Variants in ASAP1 observed in about 807,000 individuals in gnomAD.
The protein encoded by ASAP1 is arf-GAP with SH3 domain, ANK repeat and PH domain-containing protein 1.
In ASAP1, 43 loss-of-function variants were observed where a neutral mutation model predicts 145.2. That is an observed-to-expected ratio of 0.30 (90% CI 0.23 to 0.38). The LOEUF (loss-of-function observed/expected upper bound fraction) is 0.38. ASAP1 is among the 10% of genes least tolerant of loss of function. The probability of loss-of-function intolerance (pLI) is 1.00; values close to 1 mark genes in which losing one functional copy is unlikely to be tolerated. For missense variants in ASAP1, 1,018 were observed against 1,355.3 expected (o/e 0.75, Z 3.91); for synonymous variants, 546 against 515.5 (o/e 1.06, Z -0.80).
chr8:130,250,011 G>T (rs762547549), intron 3 of ASAP1, among the ~76,000 whole-genome samples: 17 of 151,988 alleles, frequency 1.1e-4, no homozygotes, highest in South Asian at 2.1e-4. Context: ...TTAAATGAAA[G>T]AAATTTTAAT....
chr8:130,256,754 T>TATATATCC (rs1554860191), intron 3 of ASAP1, among the ~76,000 whole-genome samples: 4 of 68,952 alleles, frequency 5.8e-5, no homozygotes, highest in African/African-American at 2.0e-4. Context: ...TATATATATA[T>TATATATCC]ATATATATAT....
intron 1 of ASAP1, among the ~76,000 whole-genome samples, chr8:130,418,504 C>T (rs1587008776): frequency 1.3e-5 from 2 of 151,692 alleles, no homozygotes; most frequent in South Asian, 2.1e-4. Context: ...GCTGAGACAG[C>T]GCCACTGCAC....
At chr8:130,300,186 A>AGAGAGAGAGAGAGAGAGAGC (rs1565186230) in intron 3 of ASAP1, among the ~76,000 whole-genome samples, 3 of 146,026 alleles carry the variant, frequency 2.1e-5, no homozygotes, top group African/African-American at 7.7e-5. Flanking sequence ...AGAGAGAGAG[A>AGAGAGAGAGAGAGAGAGAGC]GCGAGCGAGC....
intron 5 of ASAP1, among the ~76,000 whole-genome samples, chr8:130,194,780 T>C (rs1330986109): frequency 6.6e-6 from 1 of 152,022 alleles, no homozygotes; most frequent in African/African-American, 2.4e-5. Context: ...TGACAGGAGG[T>C]GGAGCTCAGG....
chr8:130,076,092 C>T (rs78322376), intron 27 of ASAP1, among the ~76,000 whole-genome samples: 2,968 of 152,258 alleles, frequency 0.019, 45 homozygotes, highest in East Asian at 0.053. Context: ...AGAATGGTTC[C>T]TGGGGATTAT....
chr8:130,280,191 TACCAG>T (rs1213897397), intron 3 of ASAP1, among the ~76,000 whole-genome samples: 1 of 152,220 alleles, frequency 6.6e-6, no homozygotes, highest in African/African-American at 2.4e-5. Context: ...AAGATGATTT[TACCAG>T]ACCAGTGCTT....
At chr8:130,429,565 C>T (rs75814285) in intron 1 of ASAP1, among the ~76,000 whole-genome samples, 2 of 152,224 alleles carry the variant, frequency 1.3e-5, no homozygotes, top group African/African-American at 4.8e-5. Flanking sequence ...CTCTTACCAG[C>T]CATCCATACC....
Position 130,169,067 on chromosome 8 carries a change from A to C in ASAP1, c.747T>G (p.Asn249Lys), listed in dbSNP as rs1287629565. ...NLIKYYHAQCNFFQDGLKTAD... is the reference protein window; with the variant it reads ...NLIKYYHAQCKFFQDGLKTAD... ...CTGTTTTCAAGCCATCTTGAAAGAA[A>C]CTACAATTAAAAAAATCAGAGATTT... The change falls in exon 10 of 30, where the codon AAT becomes AAG. Residue 249 changes from asparagine to lysine, a missense_variant and splice_region_variant. Around this residue, in one of 9 missense-constraint regions of ASAP1, gnomAD observed 62 missense variants for 68.5 expected, o/e 0.90. Transcript: ENST00000518721. 1 of 1,554,334 alleles carries C rather than the reference A, an allele frequency of 6.4e-7. No individual in the cohort carries two copies.
At chr8:130,351,905 C>T (rs902382468) in intron 3 of ASAP1, among the ~76,000 whole-genome samples, 1 of 152,228 alleles carries the variant, frequency 6.6e-6, no homozygotes, top group Admixed American at 6.5e-5. Context: ...CAGGCTTGTG[C>T]CTTGTTTTAG....
intron 4 of ASAP1, 88 bp downstream of exon 4, chr8:130,236,834 C>T: frequency 5.1e-6 from 5 of 987,144 alleles, no homozygotes; most frequent in East Asian, 2.7e-5. Context: ...GTCAAGTTTC[C>T]TATAAACTTA....
chr8:130,358,292 C>T lies in ASAP1; in HGVS notation c.60-149G>A, dbSNP rs1182828975. ...GGCGCGCGGCTCCCGTCCCCGGCAG[C>T]GGCGAGAGGGAGGGAAGGAGGCGGG... On this transcript the variant is annotated intron_variant, in intron 2 of 29. Transcript: ENST00000518721. This position sits in a 1 kb window ranked among gnomAD's most constrained non-coding sequence, Gnocchi z 4.1. 2 of 473,588 alleles carry T rather than the reference C, an allele frequency of 4.2e-6. No individual in the cohort carries two copies. Among genetic ancestry groups the T allele is most frequent in the Non-Finnish European group, 5.7e-6 (2 of 347,904 alleles). The allele number at this position is 473,588 out of a possible 1,614,324, so 29.3% of individuals were successfully genotyped here.
chr8:130,417,550 C>T (rs1043406234), intron 1 of ASAP1, among the ~76,000 whole-genome samples: 3 of 151,582 alleles, frequency 2.0e-5, no homozygotes, highest in Non-Finnish European at 2.9e-5. Context: ...CTGGAGGGTC[C>T]GAATTTGCAG....
intron 24 of ASAP1, among the ~76,000 whole-genome samples, chr8:130,107,950 A>G (rs931564963): frequency 1.3e-5 from 2 of 152,252 alleles, no homozygotes; most frequent in Non-Finnish European, 2.9e-5. Flanking sequence ...CTAGGCAGCC[A>G]TGGTCTGGCT....
chr8:130,271,185 C>T (rs1158579467), intron 3 of ASAP1, among the ~76,000 whole-genome samples: 1 of 152,144 alleles, frequency 6.6e-6, no homozygotes, highest in Non-Finnish European at 1.5e-5. Flanking sequence ...GCTGCTCGCT[C>T]CTAAAACTGA....
At chr8:130,234,559 C>G (rs1042092040) in intron 4 of ASAP1, among the ~76,000 whole-genome samples, 5 of 152,126 alleles carry the variant, frequency 3.3e-5, no homozygotes, top group Admixed American at 2.6e-4. Flanking sequence ...CAGCTGTGAT[C>G]AAGGAAATCC....
intron 1 of ASAP1, among the ~76,000 whole-genome samples, chr8:130,431,164 T>C (rs1298906697): frequency 6.6e-6 from 1 of 152,000 alleles, no homozygotes. Flanking sequence ...TGCCAGCCAA[T>C]CCTACTGCCT....
intron 5 of ASAP1, among the ~76,000 whole-genome samples, chr8:130,196,986 A>C (rs1815537745): frequency 6.6e-6 from 1 of 152,246 alleles, no homozygotes; most frequent in African/African-American, 2.4e-5. Context: ...GCTGCTTTCC[A>C]AGGTACTGTG....
At chr8:130,409,439 T>C (rs184953935) in intron 1 of ASAP1, among the ~76,000 whole-genome samples, 203 of 152,278 alleles carry the variant, frequency 1.3e-3, no homozygotes, top group Middle Eastern at 6.8e-3. Flanking sequence ...TTTAGGCATC[T>C]GTAACCTCAG....
In ASAP1 at chr8:130,395,287, G is replaced by A. The variant is rs114386024; in HGVS notation, c.59+6598C>T. On this transcript the variant is annotated intron_variant, in intron 2 of 29. Transcript: ENST00000518721. ...GTGGGCGCTTTCTAATATTACATAC[G>A]TTTGACACGTCCTCTTGCAAAAAGT... 6.6e-3 allele frequency among the ~76,000 whole-genome samples: 1,000 copies of A among 152,290 alleles called. 12 individuals carry two copies. The highest frequency in any genetic ancestry group is 0.023 in the African/African-American group (965 of 41,540).
Sources: allele counts gnomAD v4.1 joint callset (sites outside exome capture counted in the v4.1 genomes callset), GRCh38; gene constraint gnomAD v4.1.1; regional missense constraint gnomAD v4.1.1; non-coding constraint Gnocchi (gnomAD v3.1); transcripts MANE v1.5; gene names NCBI Gene and HGNC (gene_info 2026-07-23, HGNC 2026-07-21).